Variants in GPATCH2 observed in about 807,000 individuals in gnomAD.
GPATCH2 encodes the protein G patch domain-containing protein 2.
In GPATCH2, 51 loss-of-function variants were observed where a neutral mutation model predicts 58.0. The observed-to-expected ratio is 0.88, with a 90% CI of 0.70 to 1.11. The LOEUF is 1.11. Ranked by LOEUF, GPATCH2 falls within the 50% of genes most tolerant of loss-of-function variation. The pLI is 0.00. For missense variants in GPATCH2, 625 were observed against 652.2 expected (o/e 0.96, Z 0.45); for synonymous variants, 222 against 218.5 (o/e 1.02, Z -0.14).
intron 5 of GPATCH2, among the ~76,000 whole-genome samples, chr1:217,516,352 G>C (rs760766659): frequency 2.0e-5 from 3 of 151,994 alleles, no homozygotes; most frequent in Non-Finnish European, 4.4e-5. Context: ...ACTTCTTCCC[G>C]TATCACTTGG....
chr1:217,457,383 CTAA>C (rs958155250), intron 8 of GPATCH2, among the ~76,000 whole-genome samples: 2 of 152,162 alleles, frequency 1.3e-5, no homozygotes, highest in African/African-American at 2.4e-5. Context: ...TATGATTAAA[CTAA>C]TGCTTACCTC....
chr1:217,541,002 C>T (rs551655516), intron 5 of GPATCH2, among the ~76,000 whole-genome samples: 38 of 152,264 alleles, frequency 2.5e-4, no homozygotes, highest in African/African-American at 8.4e-4. Flanking sequence ...GTGTGACAAC[C>T]GTAACTCCAG....
chr1:217,459,193 G>A (rs1445878391), intron 8 of GPATCH2, among the ~76,000 whole-genome samples: 4 of 152,054 alleles, frequency 2.6e-5, no homozygotes, highest in African/African-American at 9.7e-5. Context: ...TTTTGACAAA[G>A]TATCAGTTAT....
At chr1:217,604,949 TG>T (rs1268811559) in intron 5 of GPATCH2, among the ~76,000 whole-genome samples, 2 of 152,102 alleles carry the variant, frequency 1.3e-5, no homozygotes, top group Non-Finnish European at 2.9e-5. Flanking sequence ...CGCCTGACCC[TG>T]GGAGACAAAG....
At chr1:217,610,179 G>A in intron 5 of GPATCH2, 142 bp downstream of exon 5, 1 of 1,583,586 alleles carries the variant, frequency 6.3e-7, no homozygotes, top group Non-Finnish European at 8.6e-7. Flanking sequence ...AATCTCACTG[G>A]TCCAGTTTGT....
At chr1:217,510,620 T>A (rs1353362150) in intron 6 of GPATCH2, among the ~76,000 whole-genome samples, 1 of 152,140 alleles carries the variant, frequency 6.6e-6, no homozygotes, top group African/African-American at 2.4e-5. Context: ...TCTATCACCA[T>A]CTTTTAATTT....
intron 5 of GPATCH2, among the ~76,000 whole-genome samples, chr1:217,591,250 G>GCATATATATATGATGGA (rs1667576138): frequency 6.6e-6 from 1 of 151,886 alleles, no homozygotes; most frequent in African/African-American, 2.4e-5. Context: ...ATATATAAAT[G>GCATATATATATGATGGA]CATATATATA....
At chr1:217,444,200 G>A (rs1301034482) in intron 9 of GPATCH2, among the ~76,000 whole-genome samples, 4 of 152,184 alleles carry the variant, frequency 2.6e-5, no homozygotes, top group Admixed American at 1.3e-4. Flanking sequence ...CAGTGCCTGT[G>A]GGTAAGTTTT....
chr1:217,460,283 G>A (rs78951440), intron 8 of GPATCH2, among the ~76,000 whole-genome samples: 3,100 of 152,134 alleles, frequency 0.02, 48 homozygotes, highest in Non-Finnish European at 0.028. Flanking sequence ...CTTTTCCCCC[G>A]TACCTTACTA....
chr1:217,622,092 T>C (rs1241959501), intron 1 of GPATCH2, among the ~76,000 whole-genome samples: 1 of 152,198 alleles, frequency 6.6e-6, no homozygotes, highest in Non-Finnish European at 1.5e-5. Context: ...CAGTGGCCAG[T>C]TTGTATTTTT....
intron 5 of GPATCH2, chr1:217,608,490 G>T: frequency 1.0e-6 from 1 of 984,810 alleles, no homozygotes; most frequent in East Asian, 1.1e-4. Flanking sequence ...CATGAAGCTA[G>T]CCTATCAGTT....
chr1:217,471,801 A>T (rs1213288298), intron 8 of GPATCH2, among the ~76,000 whole-genome samples: 1 of 152,170 alleles, frequency 6.6e-6, no homozygotes, highest in Admixed American at 6.5e-5. Flanking sequence ...TTAATAGACA[A>T]CCTAAGAAAT....
At chr1:217,560,828 T>C (rs1159774957) in intron 5 of GPATCH2, among the ~76,000 whole-genome samples, 2 of 152,212 alleles carry the variant, frequency 1.3e-5, no homozygotes, top group Non-Finnish European at 2.9e-5. Context: ...CTGTCTCCCA[T>C]GGCGGTTATA....
At chr1:217,610,785 G>T in intron 4 of GPATCH2, 104 bp downstream of exon 4, 1 of 738,134 alleles carries the variant, frequency 1.4e-6, no homozygotes, top group Non-Finnish European at 2.2e-6. Context: ...ACAGCATCTT[G>T]TGTTTACATT....
intron 5 of GPATCH2, among the ~76,000 whole-genome samples, chr1:217,553,372 A>C (rs1225734704): frequency 6.6e-6 from 1 of 152,146 alleles, no homozygotes; most frequent in Admixed American, 6.6e-5. Flanking sequence ...TATACATCTA[A>C]GGGAGAACAA....
At chr1:217,523,857 C>A (rs576806876) in intron 5 of GPATCH2, among the ~76,000 whole-genome samples, 3 of 148,106 alleles carry the variant, frequency 2.0e-5, no homozygotes, top group African/African-American at 2.5e-5. Flanking sequence ...GGGGGCTGAC[C>A]CCCACACCTC....
chr1:217,629,411 G>A (rs1485887792), intron 1 of GPATCH2, among the ~76,000 whole-genome samples: 1 of 152,146 alleles, frequency 6.6e-6, no homozygotes, highest in Admixed American at 6.6e-5. Flanking sequence ...AAAGAGAATT[G>A]AAGGAGGTTT....
intron 5 of GPATCH2, among the ~76,000 whole-genome samples, chr1:217,602,748 T>C (rs532745748): frequency 7.9e-5 from 12 of 152,294 alleles, no homozygotes; most frequent in African/African-American, 2.4e-4. Context: ...CAGTGATTAA[T>C]CTGATAGAAG....
At chr1:217,615,507 CTA>C (rs1247434381) in intron 2 of GPATCH2, among the ~76,000 whole-genome samples, 4 of 152,038 alleles carry the variant, frequency 2.6e-5, no homozygotes, top group African/African-American at 9.7e-5. Flanking sequence ...ACCTCAGAAA[CTA>C]TCTTTCTGAC....
Sources: allele counts gnomAD v4.1 joint callset (sites outside exome capture counted in the v4.1 genomes callset), GRCh38; gene constraint gnomAD v4.1.1; transcripts MANE v1.5; gene names NCBI Gene and HGNC (gene_info 2026-07-23, HGNC 2026-07-21).